Variants in DCT observed in about 807,000 individuals in gnomAD.
The protein encoded by DCT is dopachrome tautomerase.
A neutral mutation model predicts 53.0 loss-of-function variants in DCT; 47 were observed. The ratio of observed to expected loss-of-function variants is 0.89; its 90% CI spans 0.70 to 1.13. DCT has a LOEUF of 1.13. DCT is among the 50% of genes most tolerant of loss of function. The probability of loss-of-function intolerance (pLI) is 0.00; values close to 1 mark genes in which losing one functional copy is unlikely to be tolerated. For synonymous variants in DCT, 244 were observed against 237.0 expected (o/e 1.03, Z -0.27); for missense variants, 669 against 637.4 (o/e 1.05, Z -0.53).
the DCT span, among the ~76,000 whole-genome samples, chr13:94,510,170 A>T: frequency 6.6e-6 from 1 of 152,100 alleles, no homozygotes; most frequent in Admixed American, 6.5e-5. Flanking sequence ...GGCATTCTCT[A>T]GAGTTATGTC....
At chr13:94,494,812 A>C in the DCT span, among the ~76,000 whole-genome samples, 6 of 152,190 alleles carry the variant, frequency 3.9e-5, no homozygotes, top group Non-Finnish European at 5.9e-5. Context: ...ATTGAAACAA[A>C]ATTATGATAT....
the DCT span, among the ~76,000 whole-genome samples, chr13:94,489,954 C>T: frequency 0.011 from 1,622 of 152,166 alleles, 23 homozygotes; most frequent in African/African-American, 0.037. Context: ...AATGATGATA[C>T]GCTATGTTTA....
At chr13:94,548,681 G>A in the DCT span, among the ~76,000 whole-genome samples, 2 of 151,734 alleles carry the variant, frequency 1.3e-5, no homozygotes, top group African/African-American at 4.8e-5. Context: ...CTGGGAAGCT[G>A]ATGCCCCTGA....
At chr13:94,542,241 T>C in the DCT span, among the ~76,000 whole-genome samples, 1 of 152,156 alleles carries the variant, frequency 6.6e-6, no homozygotes, top group East Asian at 1.9e-4. Flanking sequence ...CAGGCTGGAG[T>C]GCAGTGGTGC....
the DCT span, among the ~76,000 whole-genome samples, chr13:94,503,028 G>C: frequency 1.3e-5 from 2 of 152,164 alleles, no homozygotes; most frequent in South Asian, 2.1e-4. Flanking sequence ...TGATGTGCTC[G>C]AGACCTAAGC....
chr13:94,446,422 G>C lies in DCT; in HGVS notation c.1180-2785C>G, dbSNP rs565023039. ...TGAAATCACACACACTGTACATATA[G>C]CCAATGAGGAGCTGGGCATTTAGGA... On this transcript the variant is annotated intron_variant, in intron 6 of 7. Transcript: ENST00000377028. 4.0e-4 allele frequency among the ~76,000 whole-genome samples: 61 copies of C among 152,320 alleles called. No individual in the cohort carries two copies. The South Asian group carries it at 0.012, about 31-fold the overall frequency.
chr13:94,471,122 ATC>A (rs1174246139), intron 1 of DCT, among the ~76,000 whole-genome samples: 1 of 152,198 alleles, frequency 6.6e-6, no homozygotes, highest in African/African-American at 2.4e-5. Context: ...AGTTATTTGG[ATC>A]TCTCAAGGAA....
At chr13:94,497,060 C>T in the DCT span, among the ~76,000 whole-genome samples, 1 of 152,190 alleles carries the variant, frequency 6.6e-6, no homozygotes, top group Admixed American at 6.5e-5. Flanking sequence ...GGCACCCAGA[C>T]ATTTGGTTAA....
intron 6 of DCT, among the ~76,000 whole-genome samples, chr13:94,450,524 T>C (rs1241675067): frequency 6.6e-6 from 1 of 152,170 alleles, no homozygotes; most frequent in Non-Finnish European, 1.5e-5. Context: ...TTGTATACTA[T>C]ATGTGTGTAA....
At chr13:94,532,760 A>G in the DCT span, among the ~76,000 whole-genome samples, 1 of 152,202 alleles carries the variant, frequency 6.6e-6, no homozygotes, top group East Asian at 1.9e-4. Flanking sequence ...CGCTGTGCAC[A>G]TGTACCCTAG....
intron 6 of DCT, among the ~76,000 whole-genome samples, chr13:94,448,291 A>G (rs1332995769): frequency 6.6e-6 from 1 of 152,194 alleles, no homozygotes; most frequent in African/African-American, 2.4e-5. Context: ...AGAACTATAT[A>G]CAGAGTACCC....
chr13:94,522,030 G>T, the DCT span, among the ~76,000 whole-genome samples: 1 of 152,196 alleles, frequency 6.6e-6, no homozygotes, highest in East Asian at 1.9e-4. Flanking sequence ...ACTTAGCCCA[G>T]TGTCTTCAAG....
In DCT at chr13:94,479,093, G is replaced by C. The variant is rs1420210693; in HGVS notation, c.163C>G (p.Gln55Glu). ...TCTGTGCACTGCCCCCGGCCTTGCT[G>C]AGAGCCACAGACATTGGCCGACTCT... ...GAESANVCGS[Q>E]QGRGQCTEVR... Residue 55 changes from glutamine to glutamate, a missense_variant, in exon 1 of 8, where the codon CAG becomes GAG. Coordinates refer to ENST00000377028, the MANE Select transcript of DCT (RefSeq NM_001922.5). 1 of 1,614,112 alleles carries C rather than the reference G, an allele frequency of 6.2e-7. No individual in the cohort carries two copies. The highest frequency in any genetic ancestry group is 1.3e-5 in the African/African-American group (1 of 74,940).
chr13:94,542,710 C>G, the DCT span, among the ~76,000 whole-genome samples: 1 of 152,110 alleles, frequency 6.6e-6, no homozygotes, highest in Non-Finnish European at 1.5e-5. Flanking sequence ...GTTCTGGGAC[C>G]AGCTCTGTGA....
chr13:94,471,271 T>C (rs921677565), intron 1 of DCT, among the ~76,000 whole-genome samples: 3 of 152,230 alleles, frequency 2.0e-5, no homozygotes, highest in Non-Finnish European at 2.9e-5. Context: ...GAGAATTTTT[T>C]CTAATTGTAA....
the DCT span, among the ~76,000 whole-genome samples, chr13:94,536,235 C>T: frequency 6.6e-6 from 1 of 152,148 alleles, no homozygotes; most frequent in South Asian, 2.1e-4. Flanking sequence ...ATGCCATGTA[C>T]CAAAAGGCCT....
chr13:94,465,592 A>G, intron 4 of DCT, 41 bp downstream of exon 4: 1 of 1,596,614 alleles, frequency 6.3e-7, no homozygotes, highest in South Asian at 1.1e-5. Context: ...ACATCAGAAA[A>G]GACAATCTCT....
At chr13:94,533,391 G>A in the DCT span, among the ~76,000 whole-genome samples, 1 of 151,820 alleles carries the variant, frequency 6.6e-6, no homozygotes, top group Admixed American at 6.6e-5. Flanking sequence ...TCAGCATTGT[G>A]ACAATCCTGT....
intron 4 of DCT, among the ~76,000 whole-genome samples, chr13:94,463,021 T>A (rs1347137487): frequency 6.6e-6 from 1 of 152,226 alleles, no homozygotes; most frequent in Non-Finnish European, 1.5e-5. Flanking sequence ...TATCAATAGT[T>A]AAGTGCTCAG....
Sources: allele counts gnomAD v4.1 joint callset (sites outside exome capture counted in the v4.1 genomes callset), GRCh38; gene constraint gnomAD v4.1.1; transcripts MANE v1.5; gene names NCBI Gene and HGNC (gene_info 2026-07-23, HGNC 2026-07-21).